ZNF415: variants seen among roughly 807,000 people sequenced by gnomAD.
ZNF415 encodes zinc finger protein 415.
In ZNF415, 5 loss-of-function variants were observed where a neutral mutation model predicts 7.3. That is an observed-to-expected ratio of 0.69 (90% CI 0.36 to 1.44). ZNF415 has a LOEUF of 1.44. Ranked by LOEUF, ZNF415 falls within the 40% of genes most tolerant of loss-of-function variation. The pLI, the probability that ZNF415 is intolerant of heterozygous loss-of-function variation, is 0.04. For missense variants in ZNF415, 628 were observed against 664.8 expected (o/e 0.94, Z 0.61); for synonymous variants, 207 against 226.3 (o/e 0.91, Z 0.77).
chr19:53,111,471 T>C (rs2086237691), intron 3 of ZNF415, among the ~76,000 whole-genome samples: 2 of 150,658 alleles, frequency 1.3e-5, no homozygotes, highest in African/African-American at 4.9e-5. Flanking sequence ...GTCTCCCAAG[T>C]AGCTGGGATT....
intron 3 of ZNF415, among the ~76,000 whole-genome samples, chr19:53,113,777 A>T (rs962441494): frequency 6.6e-6 from 1 of 152,236 alleles, no homozygotes; most frequent in Non-Finnish European, 1.5e-5. Context: ...GAACTTGAAC[A>T]ATGTCATCGC....
At chr19:53,112,127 A>G (rs1342410056) in intron 3 of ZNF415, among the ~76,000 whole-genome samples, 1 of 152,008 alleles carries the variant, frequency 6.6e-6, no homozygotes, top group Non-Finnish European at 1.5e-5. Context: ...TATTTTTAGT[A>G]GAGAAGGGGT....
intron 1 of ZNF415, chr19:53,129,603 T>A (rs1006195368): frequency 1.0e-5 from 4 of 399,926 alleles, no homozygotes; most frequent in Non-Finnish European, 1.3e-5. Flanking sequence ...GTCTAGTCCC[T>A]TATCTCTGTT....
Position 53,128,736 on chromosome 19 carries a change from C to T in ZNF415, c.-68+4120G>A, listed in dbSNP as rs1272291799. On this transcript the variant is annotated intron_variant, in intron 1 of 3. Coordinates refer to ENST00000243643, the MANE Select transcript of ZNF415 (RefSeq NM_018355.4). ...TCTTACATAGACTGGAATAAATAGC[C>T]ACAGGAAGTTTAGACCAATTACAGA... Among the ~76,000 whole-genome samples, 2 of 112,868 alleles carry T rather than the reference C, an allele frequency of 1.8e-5. 1 individual carries two copies. The highest frequency in any genetic ancestry group is 4.0e-5 in the Non-Finnish European group (2 of 49,646). The allele number at this position is 112,868 out of a possible 152,430, so 74.0% of individuals were successfully genotyped here. A position where few individuals can be genotyped will look rare whatever the true frequency, so the allele number is the denominator to read the frequency against.
chr19:53,122,710 TTCC>T lies in ZNF415; in HGVS notation c.-37_-35del. The T allele has an allele frequency of 4.3e-6, 7 of 1,614,140 alleles. 1 individual carries two copies. Among genetic ancestry groups the T allele is most frequent in the Non-Finnish European group, 5.1e-6 (6 of 1,180,010 alleles). On this transcript the variant is annotated 5_prime_UTR_variant, in exon 2 of 4. Transcript: ENST00000243643. ...CCTTTGCTCTCCTCTTCTGGGTTTC[TTCC>T]TCATGTGCCAGGAGTCTTTGGAAGT...
At position 53,108,687 on chromosome 19, in the gene ZNF415, G is replaced by A. The variant is rs763469293; in HGVS notation, c.1358C>T (p.Ser453Leu). 36 of 1,614,044 alleles carry A rather than the reference G, an allele frequency of 2.2e-5. No homozygotes were observed. Among genetic ancestry groups the A allele is most frequent in the Middle Eastern group, 3.3e-4 (2 of 6,084 alleles). Residue 453 changes from serine (S) to leucine (L), a missense_variant, in exon 4 of 4, where the codon TCG becomes TTG. Physicochemically the swap from Ser to Leu is moderately radical, Grantham distance 145. Coordinates refer to ENST00000243643, the MANE Select transcript of ZNF415 (RefSeq NM_018355.4). Reference sequence around the variant, plus strand: ...GATGACCTGATGGGTAGTTAAGTTCGAATGCACACTAAAGGCTTTCCCACA... The same window carrying A: ...GATGACCTGATGGGTAGTTAAGTTCAAATGCACACTAAAGGCTTTCCCACA... ...NECGKAFSVH[S>L]NLTTHQVIHT...
rs1159639950 is a variant in ZNF415 at position 53,122,365 on chromosome 19, C to T, written c.15+297G>A. On this transcript the variant is annotated intron_variant, in intron 2 of 3. Transcript: ENST00000243643. ...CATCCAAATGTGGCCCCTGAACAATCCCTGCTGCCCAACAGCACTGACACC... is the reference window on the plus strand; with the variant it reads ...CATCCAAATGTGGCCCCTGAACAATTCCTGCTGCCCAACAGCACTGACACC... 33 of 1,531,798 alleles carry T rather than the reference C, an allele frequency of 2.2e-5. 1 individual carries two copies. The highest frequency in any genetic ancestry group is 1.7e-6 in the Non-Finnish European group (2 of 1,143,308). 94.9% of individuals were successfully genotyped at this position (1,531,798 alleles called of 1,614,324 possible). A position where few individuals can be genotyped will look rare whatever the true frequency, so the allele number is the denominator to read the frequency against.
intron 1 of ZNF415, among the ~76,000 whole-genome samples, chr19:53,128,061 C>T (rs1049456049): frequency 2.6e-5 from 4 of 152,008 alleles, no homozygotes; most frequent in Non-Finnish European, 2.9e-5. Context: ...CATCATTCAC[C>T]CGGCTCATCT....
At position 53,116,433 on chromosome 19, in the gene ZNF415, A is replaced by G; in HGVS notation, c.16T>C (p.Leu6=). 6.2e-7 allele frequency: 1 copy of G among 1,614,150 alleles called. No homozygotes were observed. The highest frequency in any genetic ancestry group is 1.3e-5 in the African/African-American group (1 of 75,036). ...TCGATGGCCACGTCCCTGAATGTCA[A>G]CTGTCCGTAAAATAATAAACACATT... MAFTQ[L]TFRDVAIEFS... Residue 6 remains leucine, a splice_region_variant and synonymous_variant, in exon 3 of 4, where the codon TTG becomes CTG. Transcript: ENST00000243643.
chr19:53,109,538 G>A lies in ZNF415; in HGVS notation c.507C>T (p.Val169=). ...IYECNHVEKS[V]NHGSSVSPPQ... is the part of the protein sequence containing the mutation. ...GTGGTGAAACTGAGGAACCATGGTT[G>A]ACAGACTTCTCAACATGGTTACATT... Residue 169 remains valine (V), a synonymous_variant, in exon 4 of 4, where the codon GTC becomes GTT. Coordinates refer to ENST00000243643, the MANE Select transcript of ZNF415 (RefSeq NM_018355.4). 1 of 1,614,030 alleles carries A rather than the reference G, an allele frequency of 6.2e-7. No individual in the cohort carries two copies. The highest frequency in any genetic ancestry group is 1.3e-5 in the African/African-American group (1 of 75,056).
At chr19:53,122,118 T>C (rs1271587417) in intron 2 of ZNF415, among the ~76,000 whole-genome samples, 1 of 151,942 alleles carries the variant, frequency 6.6e-6, no homozygotes, top group Non-Finnish European at 1.5e-5. Flanking sequence ...TGGTGGTGCA[T>C]GCCTGTAATC....
chr19:53,131,782 C>A (rs1313679125), intron 1 of ZNF415, among the ~76,000 whole-genome samples: 1 of 152,060 alleles, frequency 6.6e-6, no homozygotes, highest in African/African-American at 2.4e-5. Context: ...ATATTTCTGG[C>A]TCTTTCTTCC....
At position 53,113,506 on chromosome 19, in the gene ZNF415, CAAAAAAAAAAAAAAAA is replaced by C. The variant is rs1176054018; in HGVS notation, c.136+2791_136+2806del. On this transcript the variant is annotated intron_variant, in intron 3 of 3. Transcript: ENST00000243643. Reference sequence around the variant, plus strand: ...TGGGCGACAGAGCGAAACTCCGTCTCAAAAAAAAAAAAAAAAAAAAAAAAAAAACCGAGGCATTACA... The same window carrying C: ...TGGGCGACAGAGCGAAACTCCGTCTCAAAAAAAAAAAACCGAGGCATTACA... Among the ~76,000 whole-genome samples the C allele has an allele frequency of 4.8e-5, 3 of 62,146 alleles. 1 individual carries two copies. Among genetic ancestry groups the C allele is most frequent in the Non-Finnish European group, 1.1e-4 (3 of 28,006 alleles). 40.8% of individuals were successfully genotyped at this position (62,146 alleles called of 152,430 possible).
chr19:53,127,895 A>C (rs529881785), intron 1 of ZNF415, among the ~76,000 whole-genome samples: 197 of 151,990 alleles, frequency 1.3e-3, no homozygotes, highest in African/African-American at 4.6e-3. Flanking sequence ...AAAAAGAAAA[A>C]GAAAAAGAAA....
chr19:53,108,584 C>G lies in ZNF415; in HGVS notation c.1461G>C (p.Gln487His). The G allele has an allele frequency of 6.2e-7, 1 of 1,614,098 alleles. No homozygotes were observed. Among genetic ancestry groups the G allele is most frequent in the Non-Finnish European group, 8.5e-7 (1 of 1,179,998 alleles). The change falls in exon 4 of 4, where the codon CAG becomes CAC. Residue 487 changes from glutamine to histidine, a missense_variant. Coordinates refer to ENST00000243643, the MANE Select transcript of ZNF415 (RefSeq NM_018355.4). Reference protein sequence around the residue: ...FSVHSSLTTHQVIHTGEKPYK... With the variant: ...FSVHSSLTTHHVIHTGEKPYK... ...AAGGTTTTTCTCCAGTATGGATGACCTGATGGGTAGTTAGGCTTGAATGCA... is the reference window on the plus strand; with the variant it reads ...AAGGTTTTTCTCCAGTATGGATGACGTGATGGGTAGTTAGGCTTGAATGCA...
Position 53,109,483 on chromosome 19 carries a change from G to A in ZNF415, c.562C>T (p.His188Tyr). The A allele has an allele frequency of 6.2e-7, 1 of 1,614,058 alleles. No homozygotes were observed. The highest frequency in any genetic ancestry group is 2.2e-5 in the East Asian group (1 of 44,872). ...TCAGTCCCATATTTATTAGAAACAT[G>A]GGTTTTGATGGTAGAAGAAATTATT... ...PQIISSTIKT[H>Y]VSNKYGTDFI... Residue 188 changes from histidine to tyrosine, a missense_variant, in exon 4 of 4, where the codon CAT (histidine) becomes TAT (tyrosine). His to Tyr is a moderately conservative substitution (Grantham distance 83). Coordinates refer to ENST00000243643, the MANE Select transcript of ZNF415 (RefSeq NM_018355.4).
At chr19:53,131,690 T>C (rs1426073991) in intron 1 of ZNF415, among the ~76,000 whole-genome samples, 11 of 152,176 alleles carry the variant, frequency 7.2e-5, no homozygotes, top group Non-Finnish European at 1.3e-4. Flanking sequence ...CCTCTATTCT[T>C]TCTCTTCCAC....
rs2085650363 is a variant in ZNF415, at chr19:53,108,053, C to G, written c.*324G>C. 2 of 276,562 alleles carry G rather than the reference C, an allele frequency of 7.2e-6. No individual in the cohort carries two copies. The highest frequency in any genetic ancestry group is 1.5e-4 in the South Asian group (2 of 13,130). The allele number at this position is 276,562 out of a possible 1,614,324, so 17.1% of individuals were successfully genotyped here. ...TACAGTTTTGATCCTTGGTTAATAGCTTCAACATGCACAAAATATACAAAG... is the reference window on the plus strand; with the variant it reads ...TACAGTTTTGATCCTTGGTTAATAGGTTCAACATGCACAAAATATACAAAG... On this transcript the variant is annotated 3_prime_UTR_variant, in exon 4 of 4. Coordinates refer to ENST00000243643, the MANE Select transcript of ZNF415 (RefSeq NM_018355.4).
At chr19:53,118,750 G>A (rs1428899094) in intron 2 of ZNF415, among the ~76,000 whole-genome samples, 2 of 151,874 alleles carry the variant, frequency 1.3e-5, no homozygotes, top group African/African-American at 4.8e-5. Flanking sequence ...CTTGAAACAA[G>A]TAAAAATGGA....
Sources: allele counts gnomAD v4.1 joint callset (sites outside exome capture counted in the v4.1 genomes callset), GRCh38; gene constraint gnomAD v4.1.1; transcripts MANE v1.5; gene names NCBI Gene and HGNC (gene_info 2026-07-23, HGNC 2026-07-21).